Variants in ADAMTS18 observed in about 807,000 individuals in gnomAD.
The protein encoded by ADAMTS18 is ADAM metallopeptidase with thrombospondin type 1 motif 18.
ADAMTS18 carries 157 observed loss-of-function variants against 165.9 expected under a neutral mutation model. The observed-to-expected ratio is 0.95, with a 90% confidence interval of 0.83 to 1.08. ADAMTS18 has a LOEUF of 1.08. Ranked by LOEUF, ADAMTS18 falls within the 50% of genes least tolerant of loss-of-function variation. The pLI, the probability that ADAMTS18 is intolerant of heterozygous loss-of-function variation, is 0.00. For missense variants in ADAMTS18, 2,040 were observed against 1,534.0 expected (o/e 1.33, Z -5.51); for synonymous variants, 782 against 578.2 (o/e 1.35, Z -5.06).
At chr16:77,428,285 T>C (rs2144861980) in intron 3 of ADAMTS18, among the ~76,000 whole-genome samples, 1 of 152,288 alleles carries the variant, frequency 6.6e-6, no homozygotes, top group Admixed American at 6.5e-5. Context: ...TAAAGGCTTG[T>C]TCCTTTTCTG....
At chr16:77,316,586 T>C (rs985027557) in intron 16 of ADAMTS18, among the ~76,000 whole-genome samples, 1 of 152,178 alleles carries the variant, frequency 6.6e-6, no homozygotes, top group African/African-American at 2.4e-5. Flanking sequence ...ATCTCACACC[T>C]CAATACTTTC....
intron 3 of ADAMTS18, among the ~76,000 whole-genome samples, chr16:77,422,514 T>G (rs1163374948): frequency 6.2e-4 from 76 of 123,028 alleles, no homozygotes; most frequent in South Asian, 8.0e-4. Flanking sequence ...TGCAGGGAGA[T>G]GGGGAGGGAG....
intron 3 of ADAMTS18, among the ~76,000 whole-genome samples, chr16:77,400,775 T>C (rs1325425965): frequency 6.6e-6 from 1 of 151,906 alleles, no homozygotes; most frequent in East Asian, 1.9e-4. Context: ...GGCCTCTCTG[T>C]GGTTCTTAAG....
intron 3 of ADAMTS18, among the ~76,000 whole-genome samples, chr16:77,402,950 C>T (rs1409771117): frequency 2.6e-5 from 4 of 152,162 alleles, no homozygotes; most frequent in Non-Finnish European, 5.9e-5. Flanking sequence ...GGAGCAACTG[C>T]CGGACAGCAA....
chr16:77,330,709 C>T (rs891224171), intron 12 of ADAMTS18, among the ~76,000 whole-genome samples: 3 of 152,122 alleles, frequency 2.0e-5, no homozygotes, highest in African/African-American at 7.2e-5. Context: ...CATTCCAGAG[C>T]CAGATAGCAG....
intron 16 of ADAMTS18, among the ~76,000 whole-genome samples, 185 bp from the exon 17 acceptor site, chr16:77,300,589 C>G (rs574265867): frequency 6.6e-6 from 1 of 152,192 alleles, no homozygotes; most frequent in South Asian, 2.1e-4. Flanking sequence ...AAATGTGTCC[C>G]TTCATGTTAT....
Position 77,322,347 on chromosome 16 carries a change from C to T in ADAMTS18, c.2152G>A (p.Gly718Arg), listed in dbSNP as rs774517919. 4 of 1,613,820 alleles carry T rather than the reference C, an allele frequency of 2.5e-6. No individual in the cohort carries two copies. The highest frequency in any genetic ancestry group is 1.7e-5 in the Admixed American group (1 of 59,990). Residue 718 changes from glycine to arginine, a missense_variant, in exon 14 of 23, where the codon GGG (glycine) becomes AGG (arginine). Coordinates refer to ENST00000282849, the MANE Select transcript of ADAMTS18 (RefSeq NM_199355.4). ...SPNKNDVCID[G>R]VCELVGCDHE... The stretch of plus-strand genomic sequence containing the variant: ...AAACGTTCTCTTACTTCACAAACCC[C>T]GTCAATACAAACATCATTTTTGTTT...
intron 18 of ADAMTS18, among the ~76,000 whole-genome samples, chr16:77,296,077 A>C (rs2055466239): frequency 6.6e-6 from 1 of 152,070 alleles, no homozygotes; most frequent in Non-Finnish European, 1.5e-5. Flanking sequence ...GTGTAATACG[A>C]TTGCATCACC....
rs1364314548 is a variant in ADAMTS18, at chr16:77,282,702, T to G, written c.*1254A>C. The G allele has an allele frequency of 2.0e-5, 3 of 152,624 alleles. No homozygotes were observed. The highest frequency in any genetic ancestry group is 4.4e-5 in the Non-Finnish European group (3 of 68,048). 9.5% of individuals were successfully genotyped at this position (152,624 alleles called of 1,614,324 possible). A position where few individuals can be genotyped will look rare whatever the true frequency, so the allele number is the denominator to read the frequency against. On this transcript the variant is annotated 3_prime_UTR_variant, in exon 23 of 23. Transcript: ENST00000282849. Reference sequence around the variant, plus strand: ...ATTACAGGAGGACACAGTATTATAATTACTTTGGTTTTGGCAAAATAGTGT... The same window carrying G: ...ATTACAGGAGGACACAGTATTATAAGTACTTTGGTTTTGGCAAAATAGTGT...
chr16:77,295,758 T>A (rs1412965852), intron 18 of ADAMTS18, among the ~76,000 whole-genome samples: 1 of 152,190 alleles, frequency 6.6e-6, no homozygotes, highest in Admixed American at 6.5e-5. Flanking sequence ...ATACCTACCT[T>A]CATTTTCTTT....
Position 77,353,638 on chromosome 16 carries a change from C to A in ADAMTS18, c.1614+95G>T, listed in dbSNP as rs1364555256. 3.2e-6 allele frequency: 5 copies of A among 1,558,660 alleles called. No homozygotes were observed. The African/African-American group carries it at 4.1e-5, about 13-fold the overall frequency. On this transcript the variant is annotated intron_variant, in intron 10 of 22. Transcript: ENST00000282849. ...CGGTAGAGATAACCCAGAACCTAAC[C>A]CTTGGCCTTGGCAAACCAAATGTTT...
Position 77,283,594 on chromosome 16 carries a change from T to C in ADAMTS18, c.*362A>G, listed in dbSNP as rs1597070346. On this transcript the variant is annotated 3_prime_UTR_variant, in exon 23 of 23. Transcript: ENST00000282849. ...CTTTGACCTGAAGTCATAAAGGACC[T>C]TTTTAAAACAGATGTCTTTGCCCTT... 8.0e-6 allele frequency: 2 copies of C among 249,426 alleles called. No homozygotes were observed. Among genetic ancestry groups the C allele is most frequent in the East Asian group, 2.1e-4 (2 of 9,350 alleles). The allele number at this position is 249,426 out of a possible 1,614,324, so 15.5% of individuals were successfully genotyped here. A position where few individuals can be genotyped will look rare whatever the true frequency, so the allele number is the denominator to read the frequency against.
intron 22 of ADAMTS18, among the ~76,000 whole-genome samples, chr16:77,285,660 A>G (rs1031257370): frequency 2.6e-5 from 4 of 152,212 alleles, no homozygotes; most frequent in East Asian, 1.9e-4. Flanking sequence ...TTCTGTCAGT[A>G]TAAGTGCTTT....
chr16:77,352,645 G>C (rs1247978764), intron 10 of ADAMTS18, among the ~76,000 whole-genome samples: 1 of 152,136 alleles, frequency 6.6e-6, no homozygotes, highest in Non-Finnish European at 1.5e-5. Flanking sequence ...GATGGTGGTG[G>C]TGGTGGCAGA....
chr16:77,362,055 A>G (rs372293245), intron 7 of ADAMTS18, 50 bp downstream of exon 7: 308 of 1,603,372 alleles, frequency 1.9e-4, no homozygotes, highest in Non-Finnish European at 1.9e-4. Flanking sequence ...AAGTTTCCAT[A>G]CTGTGTTTTC....
At position 77,353,870 on chromosome 16, in the gene ADAMTS18, A is replaced by G. The variant is rs1317830773; in HGVS notation, c.1477T>C (p.Cys493Arg). Reference protein sequence around the residue: ...KKFLSTPQAGCLVDEPKQAGQ... With the variant: ...KKFLSTPQAGRLVDEPKQAGQ... Reference sequence around the variant, plus strand: ...GCTTGCTTGGGCTCATCCACTAGACACCCCGCCTGAGGTGTGCTGTAATGA... The same window carrying G: ...GCTTGCTTGGGCTCATCCACTAGACGCCCCGCCTGAGGTGTGCTGTAATGA... The change falls in exon 10 of 23, where the codon TGT becomes CGT. Residue 493 changes from cysteine to arginine, a missense_variant. Physicochemically the swap from Cys to Arg is radical, Grantham distance 180. Coordinates refer to ENST00000282849, the MANE Select transcript of ADAMTS18 (RefSeq NM_199355.4). 6.2e-7 allele frequency: 1 copy of G among 1,614,068 alleles called. No individual in the cohort carries two copies. The highest frequency in any genetic ancestry group is 8.5e-7 in the Non-Finnish European group (1 of 1,180,012).
At chr16:77,302,333 A>C (rs1401875921) in intron 16 of ADAMTS18, among the ~76,000 whole-genome samples, 1 of 152,130 alleles carries the variant, frequency 6.6e-6, no homozygotes, top group Non-Finnish European at 1.5e-5. Flanking sequence ...TGTAGCACTT[A>C]TTTTGCCTTT....
chr16:77,387,311 A>G (rs999520783), intron 3 of ADAMTS18, among the ~76,000 whole-genome samples: 2 of 152,212 alleles, frequency 1.3e-5, no homozygotes, highest in East Asian at 1.9e-4. Context: ...CATGTCGGAT[A>G]GTCATGGGTC....
At chr16:77,429,623 T>A (rs1293397234) in intron 3 of ADAMTS18, among the ~76,000 whole-genome samples, 9 of 152,178 alleles carry the variant, frequency 5.9e-5, no homozygotes, top group Admixed American at 5.9e-4. Context: ...CATGAAATCT[T>A]CATACAGAAA....
Sources: gnomAD v4.1 joint callset for allele counts (sites outside exome capture counted in the v4.1 genomes callset) on GRCh38, gnomAD v4.1.1 for gene constraint, MANE v1.5 for transcripts, NCBI Gene and HGNC (gene_info 2026-07-23, HGNC 2026-07-21) for gene names.